The following HTR2C variants were observed in gnomAD, a reference collection of about 807,000 sequenced individuals.
HTR2C encodes 5-hydroxytryptamine (serotonin) receptor 2C, G protein-coupled.
A neutral mutation model predicts 21.0 loss-of-function variants in HTR2C; 5 were observed. The ratio of observed to expected loss-of-function variants is 0.24; its 90% CI spans 0.12 to 0.50. HTR2C has a LOEUF of 0.50. Ranked by LOEUF, HTR2C falls within the 20% of genes least tolerant of loss-of-function variation. HTR2C has a pLI of 0.98. For missense variants in HTR2C, 271 were observed against 371.2 expected (o/e 0.73, Z 2.22); for synonymous variants, 150 against 145.3 (o/e 1.03, Z -0.23).
At chrX:114,854,240 C>T (rs782459237) in intron 5 of HTR2C, among the ~76,000 whole-genome samples, 2 of 111,032 alleles carry the variant, frequency 1.8e-5, no homozygotes, top group East Asian at 5.6e-4. Flanking sequence ...TATCCATCAG[C>T]ATTTAATGTC....
chrX:114,590,279 A>G (rs1161812971), intron 1 of HTR2C, among the ~76,000 whole-genome samples: 4 of 112,133 alleles, frequency 3.6e-5, no homozygotes, highest in African/African-American at 9.7e-5. Context: ...AAATTCAAAA[A>G]CCAAACCAAT....
intron 4 of HTR2C, among the ~76,000 whole-genome samples, chrX:114,738,358 T>C (rs2069611406): frequency 9.0e-6 from 1 of 111,697 alleles, no homozygotes; most frequent in Non-Finnish European, 1.9e-5. Context: ...CGCATAGATA[T>C]GTCAAAATAT....
chrX:114,887,251 C>T (rs191329864), intron 5 of HTR2C, among the ~76,000 whole-genome samples: 42 of 111,569 alleles, frequency 3.8e-4, no homozygotes, highest in African/African-American at 1.3e-3. Flanking sequence ...ATGCTTTCTG[C>T]AGACTTTTGT....
chrX:114,814,712 A>G (rs1176742747), intron 4 of HTR2C, among the ~76,000 whole-genome samples: 1 of 105,054 alleles, frequency 9.5e-6, no homozygotes, highest in Non-Finnish European at 1.9e-5. Context: ...ACCAAGTTTC[A>G]CAGAACATCT....
intron 2 of HTR2C, among the ~76,000 whole-genome samples, chrX:114,649,212 A>G (rs1296237899): frequency 8.0e-5 from 9 of 112,288 alleles, no homozygotes; most frequent in African/African-American, 2.6e-4. Flanking sequence ...GGAGGATTCT[A>G]TATTTTTATT....
chrX:114,725,133 C>A (rs1325487658), intron 2 of HTR2C, among the ~76,000 whole-genome samples: 1 of 111,228 alleles, frequency 9.0e-6, no homozygotes, highest in African/African-American at 3.3e-5. Context: ...TTCCATTCTC[C>A]CTGTCACTTT....
chrX:114,753,583 C>T (rs1365975293), intron 4 of HTR2C, among the ~76,000 whole-genome samples: 1 of 111,341 alleles, frequency 9.0e-6, no homozygotes, highest in Non-Finnish European at 1.9e-5. Flanking sequence ...ATGAGTTCAA[C>T]AAAGTCACAA....
At chrX:114,877,691 CTTT>C (rs1224857528) in intron 5 of HTR2C, among the ~76,000 whole-genome samples, 2 of 109,613 alleles carry the variant, frequency 1.8e-5, no homozygotes, top group Non-Finnish European at 3.8e-5. Context: ...TTTTAAATTT[CTTT>C]TTTATTTCTT....
chrX:114,714,498 C>A (rs893460567), intron 2 of HTR2C, among the ~76,000 whole-genome samples: 18 of 111,705 alleles, frequency 1.6e-4, no homozygotes, highest in Non-Finnish European at 3.2e-4. Flanking sequence ...GTACAGAATA[C>A]CTACATATTA....
At chrX:114,707,161 G>C (rs1273228657) in intron 2 of HTR2C, among the ~76,000 whole-genome samples, 1 of 111,648 alleles carries the variant, frequency 9.0e-6, no homozygotes, top group Non-Finnish European at 1.9e-5. Context: ...TAAAAAAATT[G>C]AAGAACTAAT....
intron 5 of HTR2C, among the ~76,000 whole-genome samples, chrX:114,878,382 T>C (rs1556478941): frequency 1.8e-5 from 2 of 110,848 alleles, no homozygotes; most frequent in East Asian, 5.6e-4. Context: ...AACAGTACTA[T>C]AAAGTATAAA....
chrX:114,644,344 AAAAT>A (rs1295592092), intron 2 of HTR2C, among the ~76,000 whole-genome samples: 121 of 36,120 alleles, frequency 3.3e-3, no homozygotes, highest in African/African-American at 6.6e-3. Context: ...GACTCCATCT[AAAAT>A]AAATAAATAA....
chrX:114,701,421 C>A (rs1245440064), intron 2 of HTR2C, among the ~76,000 whole-genome samples: 3 of 111,818 alleles, frequency 2.7e-5, no homozygotes, highest in South Asian at 3.7e-4. Context: ...TGCTGTTCTG[C>A]AGCCACTGCT....
intron 2 of HTR2C, among the ~76,000 whole-genome samples, chrX:114,687,488 T>C (rs1931955470): frequency 8.9e-6 from 1 of 111,969 alleles, no homozygotes; most frequent in Non-Finnish European, 1.9e-5. Flanking sequence ...AATTCTTTTA[T>C]CAAAGAACGG....
At chrX:114,721,974 T>C (rs1933237237) in intron 2 of HTR2C, among the ~76,000 whole-genome samples, 2 of 108,194 alleles carry the variant, frequency 1.8e-5, no homozygotes, top group South Asian at 8.4e-4. Flanking sequence ...TTTGTTCTTT[T>C]GGCTTAGGAT....
chrX:114,590,177 C>T (rs1339498497), intron 1 of HTR2C, among the ~76,000 whole-genome samples: 2 of 111,447 alleles, frequency 1.8e-5, no homozygotes, highest in Non-Finnish European at 3.8e-5. Flanking sequence ...TATCTGAGTA[C>T]AATACTTAGA....
At chrX:114,654,217 T>G (rs782019009) in intron 2 of HTR2C, among the ~76,000 whole-genome samples, 18 of 108,721 alleles carry the variant, frequency 1.7e-4, no homozygotes, top group South Asian at 3.9e-4. Flanking sequence ...CTCATGAGAT[T>G]CCAAAACCCC....
At chrX:114,893,307 T>C (rs2071272857) in intron 5 of HTR2C, among the ~76,000 whole-genome samples, 1 of 111,370 alleles carries the variant, frequency 9.0e-6, no homozygotes, top group African/African-American at 3.3e-5. Context: ...TCTCAAGACA[T>C]ACAATATAGC....
chrX:114,713,869 G>T (rs1932933524), intron 2 of HTR2C, among the ~76,000 whole-genome samples: 1 of 110,782 alleles, frequency 9.0e-6, no homozygotes, highest in East Asian at 2.8e-4. Flanking sequence ...CGTATACACA[G>T]ACACACACAT....
Sources: allele counts gnomAD v4.1 joint callset (sites outside exome capture counted in the v4.1 genomes callset), GRCh38; gene constraint gnomAD v4.1.1; transcripts MANE v1.5; gene names NCBI Gene and HGNC (gene_info 2026-07-23, HGNC 2026-07-21).